The following CCDC178 variants were observed in gnomAD, a reference collection of about 807,000 sequenced individuals.
CCDC178 encodes the protein coiled-coil domain containing 178.
CCDC178 carries 126 observed loss-of-function variants against 117.4 expected under a neutral mutation model. The ratio of observed to expected loss-of-function variants is 1.07; its 90% CI spans 0.93 to 1.24. The LOEUF is 1.24. CCDC178 is among the 50% of genes most tolerant of loss of function. The probability of loss-of-function intolerance (pLI) is 0.00; values close to 1 mark genes in which losing one functional copy is unlikely to be tolerated. For synonymous variants in CCDC178, 283 were observed against 313.4 expected, an observed-to-expected ratio of 0.90 and a Z score of 1.02; for missense variants, 1,030 against 986.9, an observed-to-expected ratio of 1.04 and a Z score of -0.59.
chr18:33,216,094 T>C (rs2059162631), intron 18 of CCDC178, among the ~76,000 whole-genome samples: 1 of 151,934 alleles, frequency 6.6e-6, no homozygotes, highest in Non-Finnish European at 1.5e-5. Flanking sequence ...TGAGACCCTG[T>C]CTCTAAAAAA....
At chr18:33,356,200 AT>A (rs2063054434) in intron 7 of CCDC178, 123 bp downstream of exon 7, 1 of 980,046 alleles carries the variant, frequency 1.0e-6, no homozygotes, top group Admixed American at 3.4e-5. Flanking sequence ...ATATTGCAAT[AT>A]CTATTGTGAA....
intron 3 of CCDC178, among the ~76,000 whole-genome samples, chr18:33,408,555 G>T (rs1453366201): frequency 2.0e-5 from 3 of 151,882 alleles, no homozygotes; most frequent in Non-Finnish European, 4.4e-5. Flanking sequence ...AGATTTGGAA[G>T]AGATGAGTGA....
chr18:33,072,969 G>A (rs1381721390), intron 21 of CCDC178, among the ~76,000 whole-genome samples: 1 of 152,054 alleles, frequency 6.6e-6, no homozygotes, highest in African/African-American at 2.4e-5. Context: ...TACAGTGGGA[G>A]CTGAGGATAT....
At chr18:33,424,029 T>C (rs948622859) in intron 2 of CCDC178, among the ~76,000 whole-genome samples, 8 of 152,212 alleles carry the variant, frequency 5.3e-5, no homozygotes, top group Non-Finnish European at 1.2e-4. Flanking sequence ...TCTTTCATAT[T>C]CTCATGAAAA....
intron 21 of CCDC178, among the ~76,000 whole-genome samples, chr18:32,984,229 G>T (rs1031126870): frequency 6.6e-6 from 1 of 151,480 alleles, no homozygotes; most frequent in Admixed American, 6.6e-5. Context: ...TAATATATTC[G>T]ATAATTCTGC....
intron 22 of CCDC178, among the ~76,000 whole-genome samples, chr18:32,969,639 TA>T (rs1252331592): frequency 6.6e-6 from 1 of 152,024 alleles, no homozygotes; most frequent in Non-Finnish European, 1.5e-5. Context: ...TAATCTTTCT[TA>T]TATTGCTGCT....
chr18:33,106,611 C>T (rs1333177365), intron 20 of CCDC178, among the ~76,000 whole-genome samples: 1 of 151,616 alleles, frequency 6.6e-6, no homozygotes, highest in Non-Finnish European at 1.5e-5. Flanking sequence ...GAAGTTGTGT[C>T]TTTGATAGTT....
chr18:33,180,248 A>AT (rs1379789847), intron 20 of CCDC178, among the ~76,000 whole-genome samples: 1 of 151,718 alleles, frequency 6.6e-6, no homozygotes, highest in Non-Finnish European at 1.5e-5. Context: ...TAGGTATCTT[A>AT]TTTTTTCTAT....
intron 2 of CCDC178, among the ~76,000 whole-genome samples, chr18:33,432,695 G>A (rs1046610555): frequency 7.9e-5 from 12 of 152,174 alleles, no homozygotes; most frequent in African/African-American, 1.9e-4. Flanking sequence ...TCTTCATGCC[G>A]TTTCTACCTA....
chr18:33,396,102 A>G (rs534268377), intron 4 of CCDC178, among the ~76,000 whole-genome samples: 3 of 152,262 alleles, frequency 2.0e-5, no homozygotes, highest in East Asian at 3.9e-4. Context: ...CTAAAAATCA[A>G]TGTGAAAAAA....
intron 20 of CCDC178, among the ~76,000 whole-genome samples, chr18:33,109,741 G>A (rs997090782): frequency 3.4e-5 from 5 of 148,160 alleles, no homozygotes; most frequent in Non-Finnish European, 6.0e-5. Context: ...CTCTTGAGTC[G>A]GGTATCTTTT....
At chr18:33,423,086 T>C (rs932039765) in intron 2 of CCDC178, among the ~76,000 whole-genome samples, 2 of 152,190 alleles carry the variant, frequency 1.3e-5, no homozygotes. Flanking sequence ...CTCACAATTG[T>C]ATTGGTAATT....
At chr18:33,294,734 T>C (rs2062085119) in intron 11 of CCDC178, among the ~76,000 whole-genome samples, 1 of 152,184 alleles carries the variant, frequency 6.6e-6, no homozygotes, top group Non-Finnish European at 1.5e-5. Flanking sequence ...TAAGTTTGAT[T>C]AAGTTTTCTT....
intron 21 of CCDC178, among the ~76,000 whole-genome samples, chr18:32,984,986 T>C (rs2055232630): frequency 6.6e-6 from 1 of 151,930 alleles, no homozygotes; most frequent in South Asian, 2.1e-4. Context: ...TCTCTGATGA[T>C]TATCCACAGT....
chr18:32,978,827 A>G (rs2055082098), intron 21 of CCDC178, among the ~76,000 whole-genome samples: 1 of 152,154 alleles, frequency 6.6e-6, no homozygotes, highest in African/African-American at 2.4e-5. Context: ...ACCTGAGGTC[A>G]GGAGTTTGAG....
intron 21 of CCDC178, among the ~76,000 whole-genome samples, chr18:33,031,927 C>T (rs1195323182): frequency 1.3e-5 from 2 of 151,928 alleles, no homozygotes; most frequent in African/African-American, 4.8e-5. Context: ...TGAGAATGAA[C>T]TACTACTACA....
At chr18:33,310,096 G>C (rs1156973114) in intron 11 of CCDC178, among the ~76,000 whole-genome samples, 8 of 151,992 alleles carry the variant, frequency 5.3e-5, no homozygotes, top group African/African-American at 1.9e-4. Flanking sequence ...TGAGTAGCTG[G>C]GAGTACAGGT....
intron 2 of CCDC178, among the ~76,000 whole-genome samples, chr18:33,427,569 T>C (rs1404099104): frequency 1.3e-5 from 2 of 152,208 alleles, no homozygotes; most frequent in East Asian, 3.8e-4. Flanking sequence ...TGACTTTATA[T>C]TATGTCTGTA....
intron 11 of CCDC178, among the ~76,000 whole-genome samples, chr18:33,301,690 T>C (rs1034258272): frequency 6.6e-6 from 1 of 152,212 alleles, no homozygotes; most frequent in Non-Finnish European, 1.5e-5. Context: ...ATTTCAGACT[T>C]TTATGAGGCC....
Sources: allele counts gnomAD v4.1 joint callset (sites outside exome capture counted in the v4.1 genomes callset), GRCh38; gene constraint gnomAD v4.1.1; transcripts MANE v1.5; gene names NCBI Gene and HGNC (gene_info 2026-07-23, HGNC 2026-07-21).